Variants in TRIM2 observed in about 807,000 individuals in gnomAD.
The protein encoded by TRIM2 is tripartite motif-containing protein 2.
Under a neutral mutation model 75.2 loss-of-function variants are expected in TRIM2, and 20 were observed. The observed-to-expected ratio is 0.27, with a 90% CI of 0.19 to 0.39. The LOEUF (loss-of-function observed/expected upper bound fraction) is 0.39, where lower values mean the gene tolerates loss of function less well. Among genes scored for constraint, TRIM2 ranks in the 10% least tolerant of loss-of-function variants. The pLI, the probability that TRIM2 is intolerant of heterozygous loss-of-function variation, is 1.00. For synonymous variants in TRIM2, 373 were observed against 388.3 expected, an observed-to-expected ratio of 0.96 and a Z score of 0.46; for missense variants, 660 against 990.8, an observed-to-expected ratio of 0.67 and a Z score of 4.48.
At chr4:153,330,900 A>G (rs1189262078) in intron 11 of TRIM2, among the ~76,000 whole-genome samples, 1 of 152,236 alleles carries the variant, frequency 6.6e-6, no homozygotes, top group East Asian at 1.9e-4. Flanking sequence ...ATTAGAGTGG[A>G]AGAAATTAAC....
chr4:153,239,305 T>A (rs1745859345), intron 1 of TRIM2, among the ~76,000 whole-genome samples: 1 of 150,280 alleles, frequency 6.7e-6, no homozygotes, highest in Non-Finnish European at 1.5e-5. Flanking sequence ...TGAGCCGAGA[T>A]CGTGCCACTG....
chr4:153,199,010 C>G (rs761523296), intron 1 of TRIM2, among the ~76,000 whole-genome samples: 1 of 152,208 alleles, frequency 6.6e-6, no homozygotes, highest in Non-Finnish European at 1.5e-5. Context: ...GATGTCATCT[C>G]TCCATCTTTT....
At chr4:153,240,297 T>C (rs1279768156) in intron 1 of TRIM2, among the ~76,000 whole-genome samples, 1 of 152,208 alleles carries the variant, frequency 6.6e-6, no homozygotes, top group East Asian at 1.9e-4. Flanking sequence ...TTTAATAATA[T>C]TGCAAATACC....
chr4:153,334,940 T>A lies in TRIM2; in HGVS notation c.2290T>A (p.Phe764Ile). ...GGTTGCAGACTCTGGAAATCACTGT[T>A]TCAAAGTCTATCGATACTTACAGTA... ...VVVADSGNHCFKVYRYLQ is the reference protein window; with the variant it reads ...VVVADSGNHCIKVYRYLQ Residue 764 changes from phenylalanine to isoleucine, a missense_variant, in exon 12 of 12, where the codon TTC (phenylalanine) becomes ATC (isoleucine). Phe to Ile is a conservative substitution (Grantham distance 21). Transcript: ENST00000338700. 6.2e-7 allele frequency: 1 copy of A among 1,613,788 alleles called. No homozygotes were observed. Among genetic ancestry groups the A allele is most frequent in the Non-Finnish European group, 8.5e-7 (1 of 1,179,786 alleles).
chr4:153,285,243 A>G (rs560406252), intron 3 of TRIM2, among the ~76,000 whole-genome samples: 1 of 152,348 alleles, frequency 6.6e-6, no homozygotes, highest in South Asian at 2.1e-4. Context: ...TCAATTGACC[A>G]TGGATGTATG....
At chr4:153,282,935 C>T (rs1759689405) in intron 3 of TRIM2, among the ~76,000 whole-genome samples, 1 of 148,126 alleles carries the variant, frequency 6.8e-6, no homozygotes, top group Admixed American at 6.8e-5. Flanking sequence ...ACTATAGGCG[C>T]ATGCCACCAA....
intron 1 of TRIM2, among the ~76,000 whole-genome samples, chr4:153,217,932 C>T (rs547842501): frequency 8.5e-5 from 13 of 152,274 alleles, no homozygotes; most frequent in African/African-American, 3.1e-4. Flanking sequence ...AAATGTTCAA[C>T]ATCACCAATG....
At chr4:153,214,063 C>CAATATCTGTGACCAACCTT (rs1737810530) in intron 1 of TRIM2, among the ~76,000 whole-genome samples, 1 of 151,892 alleles carries the variant, frequency 6.6e-6, no homozygotes, top group Non-Finnish European at 1.5e-5. Context: ...AGTGTCTAGA[C>CAATATCTGTGACCAACCTT]AATATCTGTG....
chr4:153,308,856 C>T (rs1765609252), intron 6 of TRIM2: 4 of 360,368 alleles, frequency 1.1e-5, no homozygotes, highest in South Asian at 9.0e-5. Flanking sequence ...CCCTGCCCCA[C>T]CTCTGCAAAC....
At chr4:153,209,567 G>C (rs951878350) in intron 1 of TRIM2, among the ~76,000 whole-genome samples, 2 of 152,096 alleles carry the variant, frequency 1.3e-5, no homozygotes, top group Non-Finnish European at 2.9e-5. Flanking sequence ...TTCAAGTACC[G>C]TACTTAACAA....
chr4:153,316,317 GTTA>G (rs1223077380), intron 8 of TRIM2, among the ~76,000 whole-genome samples: 2 of 152,266 alleles, frequency 1.3e-5, no homozygotes, highest in East Asian at 3.9e-4. Context: ...TTTCAAAAGA[GTTA>G]TTAAGAGGCA....
chr4:153,218,290 C>T (rs1001766138), intron 1 of TRIM2, among the ~76,000 whole-genome samples: 8 of 152,186 alleles, frequency 5.3e-5, no homozygotes, highest in Non-Finnish European at 7.3e-5. Context: ...TCACTGCAGC[C>T]TTTTGCTCCT....
chr4:153,295,231 C>CG lies in TRIM2; in HGVS notation c.787-82_787-81insG. On this transcript the variant is annotated intron_variant, in intron 5 of 11. Coordinates refer to ENST00000338700, the MANE Select transcript of TRIM2 (RefSeq NM_015271.5). The surrounding 1 kb of genome is among the most constrained non-coding windows in gnomAD (Gnocchi z 7.2). ...ACCTGCGTGGGCAGGTGTAGAGTCT[C>CG]CTTCTCGCCGGTGGAGGGCACTGCC... 1 of 1,442,628 alleles carries CG rather than the reference C, an allele frequency of 6.9e-7. No homozygotes were observed. The highest frequency in any genetic ancestry group is 9.1e-7 in the Non-Finnish European group (1 of 1,096,430). The allele number at this position is 1,442,628 out of a possible 1,614,324, so 89.4% of individuals were successfully genotyped here. A position where few individuals can be genotyped will look rare whatever the true frequency, so the allele number is the denominator to read the frequency against.
chr4:153,288,451 A>G lies in TRIM2; in HGVS notation c.454-4531A>G, dbSNP rs150884689. Among the ~76,000 whole-genome samples the G allele has an allele frequency of 2.7e-3, 408 of 152,232 alleles. 2 individuals are homozygous for G. Among genetic ancestry groups the G allele is most frequent in the African/African-American group, 9.4e-3 (390 of 41,528 alleles). ...GACTCATCTTAGAAAAAAGAAAAAA[A>G]ATCTGCTTATGGAATATTTCTTATA... On this transcript the variant is annotated intron_variant, in intron 3 of 11. Transcript: ENST00000338700.
intron 3 of TRIM2, among the ~76,000 whole-genome samples, chr4:153,284,345 C>T (rs113969015): frequency 0.22 from 32,799 of 151,694 alleles, 4,034 homozygotes; most frequent in African/African-American, 0.34. Context: ...GCATTACAGG[C>T]GCCCACCACC....
chr4:153,335,316 T>C lies in TRIM2; in HGVS notation c.*350T>C. 1.0e-6 allele frequency: 1 copy of C among 1,001,874 alleles called. No individual in the cohort carries two copies. Among genetic ancestry groups the C allele is most frequent in the South Asian group, 4.6e-5 (1 of 21,592 alleles). The allele number at this position is 1,001,874 out of a possible 1,614,324, so 62.1% of individuals were successfully genotyped here. A position where few individuals can be genotyped will look rare whatever the true frequency, so the allele number is the denominator to read the frequency against. On this transcript the variant is annotated 3_prime_UTR_variant, in exon 12 of 12. Coordinates refer to ENST00000338700, the MANE Select transcript of TRIM2 (RefSeq NM_015271.5). The stretch of plus-strand genomic sequence containing the variant: ...AGGTATTCGTTAATCCTGTGAATGG[T>C]AGCTTTTGCACAGAACTTCCAAAAG...
intron 1 of TRIM2, among the ~76,000 whole-genome samples, chr4:153,208,105 G>A (rs931286752): frequency 6.6e-6 from 1 of 152,084 alleles, no homozygotes; most frequent in African/African-American, 2.4e-5. Context: ...AGACCAGCCT[G>A]GGCAACATAG....
At chr4:153,250,435 T>A (rs775153952) in intron 1 of TRIM2, among the ~76,000 whole-genome samples, 1 of 152,174 alleles carries the variant, frequency 6.6e-6, no homozygotes, top group Non-Finnish European at 1.5e-5. Flanking sequence ...CAGTCTTTTC[T>A]ACAAAACTAC....
At chr4:153,279,762 G>A (rs1758821371) in intron 3 of TRIM2, among the ~76,000 whole-genome samples, 1 of 151,980 alleles carries the variant, frequency 6.6e-6, no homozygotes, top group African/African-American at 2.4e-5. Context: ...GGCCAACATG[G>A]TAAAACTCTG....
Sources: allele counts gnomAD v4.1 joint callset (sites outside exome capture counted in the v4.1 genomes callset), GRCh38; gene constraint gnomAD v4.1.1; non-coding constraint Gnocchi (gnomAD v3.1); transcripts MANE v1.5; gene names NCBI Gene and HGNC (gene_info 2026-07-23, HGNC 2026-07-21).